ADCY7: variants seen among roughly 807,000 people sequenced by gnomAD.
The protein encoded by ADCY7 is adenylate cyclase 7.
ADCY7 carries 72 observed loss-of-function variants against 120.6 expected under a neutral mutation model. That is an observed-to-expected ratio of 0.60 (90% CI 0.49 to 0.73). The LOEUF (loss-of-function observed/expected upper bound fraction) is 0.73, where lower values mean the gene tolerates loss of function less well. Among genes scored for constraint, ADCY7 ranks in the 30% least tolerant of loss-of-function variants. ADCY7 has a pLI of 0.00. For synonymous variants in ADCY7, 661 were observed against 628.0 expected (o/e 1.05, Z -0.78); for missense variants, 1,227 against 1,486.0 (o/e 0.83, Z 2.87).
At chr16:50,258,674 G>C (rs1288739272) in intron 1 of ADCY7, among the ~76,000 whole-genome samples, 2 of 150,540 alleles carry the variant, frequency 1.3e-5, no homozygotes, top group African/African-American at 4.9e-5. Flanking sequence ...GCTCACTGCA[G>C]CCTTGACCTC....
chr16:50,249,391 G>A (rs1028435646), intron 1 of ADCY7, among the ~76,000 whole-genome samples: 4 of 152,180 alleles, frequency 2.6e-5, no homozygotes, highest in African/African-American at 9.7e-5. Flanking sequence ...AGTGAGCCGA[G>A]TTAGCGCCAC....
rs1400807228 is a variant in ADCY7 at position 50,316,475 on chromosome 16, A to G, written c.*970A>G. 1 of 152,350 alleles carries G rather than the reference A, an allele frequency of 6.6e-6. No individual in the cohort carries two copies. The highest frequency in any genetic ancestry group is 1.5e-5 in the Non-Finnish European group (1 of 68,042). 9.4% of individuals were successfully genotyped at this position (152,350 alleles called of 1,614,324 possible). On this transcript the variant is annotated 3_prime_UTR_variant, in exon 26 of 26. Transcript: ENST00000673801. ...TACTTTTCTTACCAGAAAGGAATGG[A>G]GTCTGTTTAGAGACAACTTGGACAA...
chr16:50,292,576 G>A, intron 4 of ADCY7, 100 bp from the exon 5 acceptor site: 1 of 1,444,364 alleles, frequency 6.9e-7, no homozygotes, highest in Non-Finnish European at 9.4e-7. Context: ...GAAGGTCAGG[G>A]AATGGGAAGA....
In ADCY7 at chr16:50,304,945, C is replaced by A; in HGVS notation, c.1581C>A (p.Arg527=). The A allele has an allele frequency of 6.2e-7, 1 of 1,613,534 alleles. No homozygotes were observed. Among genetic ancestry groups the A allele is most frequent in the African/African-American group, 1.3e-5 (1 of 75,068 alleles). ...TTCAGAGCGTTCCCCAGCGCCACCG[C>A]CGGACCCCAGACAGGTGCGTGCCCT... ...RRPKSVPQRH[R]RTPDRSMSPK... is the part of the protein sequence containing the mutation. The change falls in exon 12 of 26, where the codon CGC becomes CGA. Residue 527 remains arginine, a synonymous_variant. Transcript: ENST00000673801.
intron 14 of ADCY7, among the ~76,000 whole-genome samples, chr16:50,306,467 C>A (rs1167191759): frequency 6.6e-6 from 1 of 151,812 alleles, no homozygotes; most frequent in African/African-American, 2.4e-5. Context: ...GGCCAAGTGA[C>A]CTGGCAGGGT....
chr16:50,292,605 C>A, intron 4 of ADCY7, 71 bp from the exon 5 acceptor site: 1 of 1,573,122 alleles, frequency 6.4e-7, no homozygotes, highest in Non-Finnish European at 8.7e-7. Context: ...CACTAGTCCG[C>A]CTAGGGGTCT....
rs1181804902 is a variant in ADCY7 at position 50,304,403 on chromosome 16, A to G, written c.1412A>G (p.Lys471Arg). The G allele has an allele frequency of 6.3e-7, 1 of 1,587,002 alleles. No individual in the cohort carries two copies. Among genetic ancestry groups the G allele is most frequent in the Admixed American group, 1.8e-5 (1 of 56,712 alleles). ...PPPSQHLPRP[K>R]GDAALKMRAS... ...CCCAGCCAACACCTCCCCAGGCCCAAGGGGGACGCGGCCCTGAAGATGCGG... is the reference window on the plus strand; with the variant it reads ...CCCAGCCAACACCTCCCCAGGCCCAGGGGGGACGCGGCCCTGAAGATGCGG... Residue 471 changes from lysine (K) to arginine (R), a missense_variant, in exon 11 of 26, where the codon AAG becomes AGG. By Grantham distance (26) the Lys-to-Arg change is conservative (BLOSUM62 2). This residue lies in a region of ADCY7 where 332 missense variants were observed against 455.8 expected (regional missense o/e 0.73). Coordinates refer to ENST00000673801, the MANE Select transcript of ADCY7 (RefSeq NM_001114.5).
chr16:50,290,322 A>C, intron 2 of ADCY7, 135 bp from the exon 3 acceptor site: 1 of 896,078 alleles, frequency 1.1e-6, no homozygotes, highest in Admixed American at 2.5e-5. Flanking sequence ...AGTGGGAACC[A>C]GGTGTGGGAG....
upstream of ADCY7, among the ~76,000 whole-genome samples, chr16:50,262,232 A>C (rs1394734250): frequency 6.7e-6 from 1 of 148,834 alleles, no homozygotes; most frequent in Non-Finnish European, 1.5e-5. Context: ...ATATGCCTGG[A>C]CCCTGCTGGG....
intron 19 of ADCY7, 109 bp from the exon 20 acceptor site, chr16:50,311,584 A>T: frequency 1.3e-6 from 1 of 744,212 alleles, no homozygotes; most frequent in Non-Finnish European, 2.4e-6. Flanking sequence ...CCACCCCATT[A>T]GAATCAATTT....
intron 18 of ADCY7, among the ~76,000 whole-genome samples, chr16:50,310,245 G>C (rs2036363234): frequency 6.6e-6 from 1 of 152,210 alleles, no homozygotes; most frequent in Admixed American, 6.5e-5. Context: ...GGGAGATGGA[G>C]CCGGGGGCAG....
intron 20 of ADCY7, 25 bp downstream of exon 20, chr16:50,311,811 C>CCCCA: frequency 7.4e-7 from 1 of 1,343,526 alleles, no homozygotes; most frequent in Non-Finnish European, 1.0e-6. Flanking sequence ...CCCCCCCCCC[C>CCCCA]CCCCAAGCTC....
At chr16:50,266,489 C>A, upstream of ADCY7, 1 of 164,458 alleles carries the variant, frequency 6.1e-6, no homozygotes, top group Non-Finnish European at 1.3e-5. Context: ...CTTAGCCTTG[C>A]TGCCGCCGCC....
rs904466352 is a variant in ADCY7, at chr16:50,315,892, C to A, written c.*387C>A. On this transcript the variant is annotated 3_prime_UTR_variant, in exon 26 of 26. Coordinates refer to ENST00000673801, the MANE Select transcript of ADCY7 (RefSeq NM_001114.5). Reference sequence around the variant, plus strand: ...GCACGCACAAGTGAGGTCTGTTTTTCTAGACACCAAGGGGGAGTAAGCTGA... The same window carrying A: ...GCACGCACAAGTGAGGTCTGTTTTTATAGACACCAAGGGGGAGTAAGCTGA... 3.6e-5 allele frequency: 7 copies of A among 192,540 alleles called. No individual in the cohort carries two copies. Among genetic ancestry groups the A allele is most frequent in the Admixed American group, 1.0e-4 (2 of 19,218 alleles). The allele number at this position is 192,540 out of a possible 1,614,324, so 11.9% of individuals were successfully genotyped here. A position where few individuals can be genotyped will look rare whatever the true frequency, so the allele number is the denominator to read the frequency against.
rs975360135 is a variant in ADCY7 at position 50,316,441 on chromosome 16, A to C, written c.*936A>C. The stretch of plus-strand genomic sequence containing the variant: ...TTGCGTTCTCCCCTGCCGTCCTTCA[A>C]CTGTATCTTACTTTTCTTACCAGAA... On this transcript the variant is annotated 3_prime_UTR_variant, in exon 26 of 26. Coordinates refer to ENST00000673801, the MANE Select transcript of ADCY7 (RefSeq NM_001114.5). The C allele has an allele frequency of 1.3e-4, 20 of 152,342 alleles. No homozygotes were observed. The highest frequency in any genetic ancestry group is 4.8e-4 in the African/African-American group (20 of 41,442). The allele number at this position is 152,342 out of a possible 1,614,324, so 9.4% of individuals were successfully genotyped here. A position where few individuals can be genotyped will look rare whatever the true frequency, so the allele number is the denominator to read the frequency against.
At chr16:50,298,862 C>T in intron 7 of ADCY7, 42 bp from the exon 8 acceptor site, 1 of 1,594,296 alleles carries the variant, frequency 6.3e-7, no homozygotes, top group Non-Finnish European at 8.6e-7. Context: ...GAGGTCCCAG[C>T]CCCACATCTT....
Position 50,293,351 on chromosome 16 carries a change from C to A in ADCY7, c.688-3C>A. 4.3e-6 allele frequency: 7 copies of A among 1,612,404 alleles called. No individual in the cohort carries two copies. Among genetic ancestry groups the A allele is most frequent in the Non-Finnish European group, 5.9e-6 (7 of 1,178,934 alleles). On this transcript the variant is annotated splice_region_variant and splice_polypyrimidine_tract_variant and intron_variant, in intron 5 of 25. Coordinates refer to ENST00000673801, the MANE Select transcript of ADCY7 (RefSeq NM_001114.5). ...CTCTGCTGGTCTGCCCACCCACACCCAGGAGAACCTGCTGCTGTCAGTGCT... is the reference window on the plus strand; with the variant it reads ...CTCTGCTGGTCTGCCCACCCACACCAAGGAGAACCTGCTGCTGTCAGTGCT...
intron 19 of ADCY7, among the ~76,000 whole-genome samples, chr16:50,311,242 G>A (rs1567580909): frequency 6.6e-6 from 1 of 152,136 alleles, no homozygotes; most frequent in Non-Finnish European, 1.5e-5. Flanking sequence ...GCAGGGCTGG[G>A]GTGTGTGGTT....
Position 50,314,984 on chromosome 16 carries a change from C to T in ADCY7, c.2972-30C>T, listed in dbSNP as rs775719659. On this transcript the variant is annotated intron_variant, in intron 24 of 25. Coordinates refer to ENST00000673801, the MANE Select transcript of ADCY7 (RefSeq NM_001114.5). ...GCAGAAGCTTGAGGCTTTGCCTGCA[C>T]GCTTGGGTAACTGTAAACATCATCT... 2.8e-4 allele frequency: 446 copies of T among 1,612,812 alleles called. 1 individual carries two copies. The South Asian group carries it at 2.9e-3, about 10-fold the overall frequency.
Sources: allele counts gnomAD v4.1 joint callset (sites outside exome capture counted in the v4.1 genomes callset), GRCh38; gene constraint gnomAD v4.1.1; regional missense constraint gnomAD v4.1.1; transcripts MANE v1.5; gene names NCBI Gene and HGNC (gene_info 2026-07-23, HGNC 2026-07-21).